TAF1: variants seen among roughly 807,000 people sequenced by gnomAD.
TAF1 encodes TATA-box binding protein associated factor 1.
A neutral mutation model predicts 138.5 loss-of-function variants in TAF1; 2 were observed. That is an observed-to-expected ratio of 0.01 (90% confidence interval 0.01 to 0.05). The LOEUF (loss-of-function observed/expected upper bound fraction) is 0.05, where lower values mean the gene tolerates loss of function less well. Ranked by LOEUF, TAF1 falls within the 10% of genes least tolerant of loss-of-function variation. The pLI, the probability that TAF1 is intolerant of heterozygous loss-of-function variation, is 1.00. For synonymous variants in TAF1, 437 were observed against 503.2 expected (o/e 0.87, Z 1.76); for missense variants, 709 against 1,478.0 (o/e 0.48, Z 8.53).
intron 13 of TAF1, among the ~76,000 whole-genome samples, chrX:71,508,737 A>AGTGTGT (rs112821544): frequency 3.0e-5 from 3 of 100,787 alleles, no homozygotes; most frequent in African/African-American, 7.2e-5. Context: ...AGACAGAGTG[A>AGTGTGT]GTGTGTGTGT....
intron 13 of TAF1, among the ~76,000 whole-genome samples, chrX:71,505,582 C>A: frequency 8.9e-6 from 1 of 112,187 alleles, no homozygotes; most frequent in Middle Eastern, 4.6e-3. Context: ...CTTCAAAATT[C>A]CTGGCCAGTG....
intron 13 of TAF1, among the ~76,000 whole-genome samples, chrX:71,473,499 T>TA (rs918293897): frequency 9.1e-6 from 1 of 110,258 alleles, no homozygotes; most frequent in South Asian, 3.9e-4. Flanking sequence ...ATACATCTCT[T>TA]AAAAAAAATT....
intron 3 of TAF1, among the ~76,000 whole-genome samples, chrX:71,371,976 C>T (rs1257119811): frequency 8.9e-6 from 1 of 111,806 alleles, no homozygotes; most frequent in African/African-American, 3.3e-5. Flanking sequence ...AGTTTACAGT[C>T]TTAGAGGCTT....
At chrX:71,389,916 C>T (rs1182013612) in intron 18 of TAF1, 2 of 228,408 alleles carry the variant, frequency 8.8e-6, no homozygotes, top group East Asian at 9.3e-5. Flanking sequence ...GGCTGGAGTG[C>T]AGTGGTGGCA....
At chrX:71,422,296 A>G (rs1337638958) in intron 29 of TAF1, among the ~76,000 whole-genome samples, 2 of 108,951 alleles carry the variant, frequency 1.8e-5, no homozygotes, top group East Asian at 2.8e-4. Context: ...AGTTGTTGAC[A>G]CATCCTTTTT....
intron 32 of TAF1, among the ~76,000 whole-genome samples, chrX:71,442,631 A>G (rs2037486169): frequency 9.0e-6 from 1 of 111,726 alleles, no homozygotes; most frequent in African/African-American, 3.3e-5. Context: ...CTCTGATGGT[A>G]GTTTCTTTTG....
Position 71,384,948 on chromosome X carries a change from C to T in TAF1, c.2125C>T (p.Pro709Ser). ...GGGTCTTCTGTGTTCCTTATAGAAA[C>T]CTGGAAAAGATCCTGGAGCACCAGA... Reference protein sequence around the residue: ...TKIKNYYKRKPGKDPGAPDCK... With the variant: ...TKIKNYYKRKSGKDPGAPDCK... Residue 709 changes from proline (P) to serine (S), a missense_variant, in exon 14 of 38, where the codon CCT becomes TCT. Physicochemically the swap from Pro to Ser is moderately conservative, Grantham distance 74. This residue lies in a region of TAF1 where 201 missense variants were observed against 421.3 expected (regional missense o/e 0.48). Transcript: ENST00000423759. 4 of 1,203,964 alleles carry T rather than the reference C, an allele frequency of 3.3e-6. No individual in the cohort carries two copies. Among genetic ancestry groups the T allele is most frequent in the Non-Finnish European group, 4.5e-6 (4 of 890,267 alleles).
At chrX:71,519,297 T>C (rs1348299690) in intron 13 of TAF1, among the ~76,000 whole-genome samples, 4 of 99,991 alleles carry the variant, frequency 4.0e-5, no homozygotes, top group African/African-American at 1.5e-4. Flanking sequence ...CACTCTAGCC[T>C]GGGCGACAGA....
rs1255075152 is a variant in TAF1 at position 71,392,858 on chromosome X, T to C, written c.2932-17T>C. On this transcript the variant is annotated splice_polypyrimidine_tract_variant and intron_variant, in intron 19 of 37. Coordinates refer to ENST00000423759, the MANE Select transcript of TAF1 (RefSeq NM_004606.5). ...ATTCAGGTTTTTAGGAGTCTCACTTTTTTTTGTTTGAGGTAGGATGATAAA... is the reference window on the plus strand; with the variant it reads ...ATTCAGGTTTTTAGGAGTCTCACTTCTTTTTGTTTGAGGTAGGATGATAAA... The C allele has an allele frequency of 7.5e-6, 9 of 1,206,015 alleles. No individual in the cohort carries two copies. Among genetic ancestry groups the C allele is most frequent in the Non-Finnish European group, 1.0e-5 (9 of 893,605 alleles).
Position 71,465,222 on chromosome X carries a change from A to C in TAF1, c.*1176A>C, listed in dbSNP as rs1275350997. The C allele has an allele frequency of 1.8e-5, 2 of 112,042 alleles. No individual in the cohort carries two copies. Among genetic ancestry groups the C allele is most frequent in the Admixed American group, 1.9e-4 (2 of 10,463 alleles). The allele number at this position is 112,042 out of a possible 1,213,427, so 9.2% of individuals were successfully genotyped here. ...CTTTTACCCAAAGAGCTCACCATCA[A>C]GTTGGGGGAGGGAAAGTGGAATTCA... On this transcript the variant is annotated 3_prime_UTR_variant, in exon 38 of 38. Transcript: ENST00000423759.
intron 28 of TAF1, chrX:71,420,487 G>A: frequency 8.3e-7 from 1 of 1,202,959 alleles, no homozygotes. Flanking sequence ...TAGATGGAAC[G>A]GGCATCGGCC....
At chrX:71,487,475 C>G (rs1438106768) in intron 13 of TAF1, among the ~76,000 whole-genome samples, 2 of 108,760 alleles carry the variant, frequency 1.8e-5, no homozygotes, top group African/African-American at 3.4e-5. Context: ...AGGTGCCCAC[C>G]ACCACACCCA....
intron 32 of TAF1, among the ~76,000 whole-genome samples, chrX:71,442,665 A>G: frequency 9.0e-6 from 1 of 111,718 alleles, no homozygotes; most frequent in Admixed American, 9.5e-5. Context: ...CTTAAGTTTA[A>G]TTAGATCTCA....
chrX:71,433,059 AG>A (rs2079098540), intron 32 of TAF1, among the ~76,000 whole-genome samples: 2 of 112,288 alleles, frequency 1.8e-5, no homozygotes, highest in Non-Finnish European at 3.8e-5. Flanking sequence ...GTTGAGAGAT[AG>A]AAATTAATGG....
intron 28 of TAF1, among the ~76,000 whole-genome samples, chrX:71,417,755 T>G (rs2036101159): frequency 9.0e-6 from 1 of 111,674 alleles, no homozygotes; most frequent in African/African-American, 3.3e-5. Context: ...TTCCACTCAT[T>G]ATGTGTTTAT....
chrX:71,394,021 C>G, intron 21 of TAF1, 46 bp from the exon 22 acceptor site: 1 of 1,128,243 alleles, frequency 8.9e-7, no homozygotes, highest in Non-Finnish European at 1.2e-6. Context: ...TTGCCTGCAA[C>G]CATATTTCTT....
chrX:71,514,724 G>GAATTAAGAGA (rs2039796057), intron 13 of TAF1, among the ~76,000 whole-genome samples: 1 of 111,594 alleles, frequency 9.0e-6, no homozygotes, highest in African/African-American at 3.3e-5. Context: ...AAAGAGTCAG[G>GAATTAAGAGA]AATTAAGAGT....
At chrX:71,480,550 TATTC>T (rs898084815) in intron 13 of TAF1, among the ~76,000 whole-genome samples, 10 of 112,147 alleles carry the variant, frequency 8.9e-5, no homozygotes, top group Non-Finnish European at 1.7e-4. Context: ...ATAATTCATA[TATTC>T]ATTCAATAAA....
chrX:71,432,797 T>C (rs1226298015), intron 32 of TAF1, among the ~76,000 whole-genome samples: 3 of 112,229 alleles, frequency 2.7e-5, no homozygotes, highest in Non-Finnish European at 5.6e-5. Context: ...GTTTGAAATT[T>C]CTTTGGCAAT....
Sources: allele counts gnomAD v4.1 joint callset (sites outside exome capture counted in the v4.1 genomes callset), GRCh38; gene constraint gnomAD v4.1.1; regional missense constraint gnomAD v4.1.1; transcripts MANE v1.5; gene names NCBI Gene and HGNC (gene_info 2026-07-23, HGNC 2026-07-21).